FER: variants seen among roughly 807,000 people sequenced by gnomAD.
FER encodes the protein tyrosine-protein kinase Fer.
FER carries 63 observed loss-of-function variants against 111.0 expected under a neutral mutation model. The ratio of observed to expected loss-of-function variants is 0.57; its 90% CI spans 0.46 to 0.70. The LOEUF (loss-of-function observed/expected upper bound fraction) is 0.70. Ranked by LOEUF, FER falls within the 30% of genes least tolerant of loss-of-function variation. The pLI is 0.00. For missense variants in FER, 914 were observed against 954.0 expected (o/e 0.96, Z 0.55); for synonymous variants, 327 against 313.9 (o/e 1.04, Z -0.44).
chr5:108,974,353 A>G (rs10515399), intron 13 of FER, among the ~76,000 whole-genome samples: 20,460 of 152,168 alleles, frequency 0.13, 1,979 homozygotes, highest in African/African-American at 0.27. Flanking sequence ...GAATGACTAC[A>G]ACTGCACTGG....
At chr5:108,961,185 T>A (rs1200366561) in intron 13 of FER, among the ~76,000 whole-genome samples, 1 of 152,184 alleles carries the variant, frequency 6.6e-6, no homozygotes, top group Non-Finnish European at 1.5e-5. Flanking sequence ...AGGAAGATAT[T>A]TTTTATCCAG....
chr5:108,788,440 A>G (rs1406573649), intron 2 of FER, among the ~76,000 whole-genome samples: 3 of 152,030 alleles, frequency 2.0e-5, no homozygotes, highest in Non-Finnish European at 4.4e-5. Context: ...GAATGAGTTC[A>G]GCGGGCACAA....
intron 10 of FER, among the ~76,000 whole-genome samples, chr5:108,907,033 C>G (rs1007009418): frequency 3.3e-5 from 5 of 152,054 alleles, no homozygotes; most frequent in African/African-American, 4.8e-5. Context: ...TGGATTTTCA[C>G]CCGCTAAACT....
chr5:108,810,313 G>A (rs1045462115), intron 3 of FER, among the ~76,000 whole-genome samples: 12 of 152,128 alleles, frequency 7.9e-5, no homozygotes, highest in African/African-American at 2.7e-4. Flanking sequence ...CTTGATCCTC[G>A]CTTACTGAGA....
At chr5:109,176,398 C>G (rs759010197) in intron 17 of FER, among the ~76,000 whole-genome samples, 9 of 151,958 alleles carry the variant, frequency 5.9e-5, no homozygotes, top group African/African-American at 1.9e-4. Context: ...ATAAATACTG[C>G]GTGTTCTCAC....
chr5:108,889,596 T>C (rs1747709541), intron 9 of FER, among the ~76,000 whole-genome samples: 1 of 151,890 alleles, frequency 6.6e-6, no homozygotes, highest in Admixed American at 6.6e-5. Flanking sequence ...ACCTGATATT[T>C]GATAGCACAA....
intron 5 of FER, among the ~76,000 whole-genome samples, chr5:108,860,953 C>G (rs888999474): frequency 6.6e-6 from 1 of 152,130 alleles, no homozygotes; most frequent in Non-Finnish European, 1.5e-5. Flanking sequence ...TCTGAGAACT[C>G]ACTATCACAA....
intron 17 of FER, among the ~76,000 whole-genome samples, chr5:109,109,501 A>G (rs990765002): frequency 3.3e-5 from 5 of 152,142 alleles, no homozygotes; most frequent in Non-Finnish European, 7.4e-5. Flanking sequence ...GAATGAGTGA[A>G]TGAAGTTACT....
At position 108,832,908 on chromosome 5, in the gene FER, G is replaced by C. The variant is rs1026316854; in HGVS notation, c.346G>C (p.Gly116Arg). 1.2e-5 allele frequency: 19 copies of C among 1,602,092 alleles called. No individual in the cohort carries two copies. Among genetic ancestry groups the C allele is most frequent in the Non-Finnish European group, 1.5e-5 (18 of 1,174,008 alleles). ...DKQQVKKSYIGVHQQIEAEMI... is the reference protein window; with the variant it reads ...DKQQVKKSYIRVHQQIEAEMI... ...GCAGCAGGTGAAGAAAAGTTACATA[G>C]GTGTTCATCAGCAGATAGAGGCAGA... The change falls in exon 4 of 20, where the codon GGT (glycine) becomes CGT (arginine). Residue 116 changes from glycine (G) to arginine (R), a missense_variant. By Grantham distance (125) the Gly-to-Arg change is moderately radical. Coordinates refer to ENST00000281092, the MANE Select transcript of FER (RefSeq NM_005246.4).
chr5:109,049,262 G>A (rs1267191381), intron 16 of FER, among the ~76,000 whole-genome samples: 3 of 152,196 alleles, frequency 2.0e-5, no homozygotes, highest in African/African-American at 4.8e-5. Context: ...TGTGTTCCGT[G>A]CTCAGGGTCT....
At chr5:108,800,359 T>G (rs1756501712) in intron 3 of FER, among the ~76,000 whole-genome samples, 1 of 151,036 alleles carries the variant, frequency 6.6e-6, no homozygotes, top group South Asian at 2.1e-4. Context: ...CCTTTCCTCT[T>G]TTTTTTTTCT....
chr5:109,067,267 T>TTGC (rs141689251), intron 16 of FER, among the ~76,000 whole-genome samples: 18 of 150,658 alleles, frequency 1.2e-4, no homozygotes, highest in Middle Eastern at 3.4e-3. Flanking sequence ...GTTGTTGCTG[T>TTGC]TGCTGCTGCT....
chr5:109,005,559 A>C (rs1259258983), intron 13 of FER, among the ~76,000 whole-genome samples: 1 of 152,232 alleles, frequency 6.6e-6, no homozygotes, highest in Admixed American at 6.5e-5. Flanking sequence ...AAACATATGC[A>C]CATATACAAG....
chr5:109,165,890 G>A (rs1228004582), intron 17 of FER, among the ~76,000 whole-genome samples: 1 of 152,042 alleles, frequency 6.6e-6, no homozygotes, highest in East Asian at 1.9e-4. Context: ...ACCAAAACTG[G>A]CTGTCTATCA....
At chr5:108,939,908 A>G (rs902765513) in intron 10 of FER, among the ~76,000 whole-genome samples, 11 of 152,078 alleles carry the variant, frequency 7.2e-5, no homozygotes, top group African/African-American at 2.4e-4. Context: ...ACTAAACATT[A>G]AAACCATTCA....
intron 5 of FER, among the ~76,000 whole-genome samples, chr5:108,845,633 C>T (rs747304059): frequency 1.1e-4 from 16 of 151,860 alleles, no homozygotes; most frequent in Non-Finnish European, 2.1e-4. Flanking sequence ...CCTAATTGCC[C>T]TGGCTAGATC....
intron 17 of FER, among the ~76,000 whole-genome samples, chr5:109,165,594 GT>G (rs1756451137): frequency 2.3e-4 from 4 of 17,352 alleles, no homozygotes; most frequent in African/African-American, 8.3e-4. Flanking sequence ...GAGGGAACTG[GT>G]GTGTGTGTGT....
At chr5:108,794,165 A>G (rs1164756148) in intron 2 of FER, among the ~76,000 whole-genome samples, 1 of 150,448 alleles carries the variant, frequency 6.6e-6, no homozygotes, top group Non-Finnish European at 1.5e-5. Context: ...GTTACTGCTC[A>G]TTAATGTCCT....
intron 16 of FER, among the ~76,000 whole-genome samples, chr5:109,090,186 C>A (rs1252640454): frequency 6.6e-6 from 1 of 152,068 alleles, no homozygotes; most frequent in East Asian, 1.9e-4. Context: ...TGCCACAGAA[C>A]CTGCGGTAGT....
Sources: allele counts gnomAD v4.1 joint callset (sites outside exome capture counted in the v4.1 genomes callset), GRCh38; gene constraint gnomAD v4.1.1; transcripts MANE v1.5; gene names NCBI Gene and HGNC (gene_info 2026-07-23, HGNC 2026-07-21).